Variants in PHKB observed in about 807,000 individuals in gnomAD.
PHKB encodes phosphorylase kinase regulatory subunit beta.
In PHKB, 122 loss-of-function variants were observed where a neutral mutation model predicts 152.1. That is an observed-to-expected ratio of 0.80 (90% confidence interval 0.69 to 0.93). The LOEUF is 0.93. Ranked by LOEUF, PHKB falls within the 40% of genes least tolerant of loss-of-function variation. PHKB has a pLI of 0.00. For synonymous variants in PHKB, 436 were observed against 464.9 expected, an observed-to-expected ratio of 0.94 and a Z score of 0.80; for missense variants, 1,304 against 1,328.4, an observed-to-expected ratio of 0.98 and a Z score of 0.29.
chr16:47,565,114 T>C (rs1244368749), intron 7 of PHKB: 4 of 508,448 alleles, frequency 7.9e-6, no homozygotes, highest in Non-Finnish European at 1.5e-5. Flanking sequence ...CGTTTTCATT[T>C]TCACCATCAA....
chr16:47,664,660 G>T, intron 24 of PHKB: 1 of 553,258 alleles, frequency 1.8e-6, no homozygotes. Context: ...AAGCCAATAA[G>T]TGATAGTTCT....
At chr16:47,594,599 G>C (rs1331825917) in intron 12 of PHKB, among the ~76,000 whole-genome samples, 1 of 152,188 alleles carries the variant, frequency 6.6e-6, no homozygotes, top group East Asian at 1.9e-4. Flanking sequence ...GAATTGCCGA[G>C]AATATTCTGG....
intron 6 of PHKB, among the ~76,000 whole-genome samples, chr16:47,524,640 G>A (rs574606903): frequency 3.5e-4 from 53 of 152,264 alleles, no homozygotes; most frequent in Non-Finnish European, 6.2e-4. Flanking sequence ...GTGGTGGTGC[G>A]TGCCTTTTTC....
intron 7 of PHKB, among the ~76,000 whole-genome samples, chr16:47,555,022 T>C (rs1057407524): frequency 2.0e-5 from 3 of 152,212 alleles, no homozygotes; most frequent in African/African-American, 7.2e-5. Context: ...TCTATTCTCT[T>C]CGCTTTTCTA....
At chr16:47,473,875 A>G (rs1012810430) in intron 1 of PHKB, among the ~76,000 whole-genome samples, 2 of 152,214 alleles carry the variant, frequency 1.3e-5, no homozygotes, top group Non-Finnish European at 2.9e-5. Flanking sequence ...TTCGTAATGA[A>G]AACATTTAAA....
intron 26 of PHKB, among the ~76,000 whole-genome samples, chr16:47,680,210 G>A (rs1973822481): frequency 6.6e-6 from 1 of 152,138 alleles, no homozygotes; most frequent in African/African-American, 2.4e-5. Flanking sequence ...TGTTCATCAA[G>A]GATATTGGTC....
intron 1 of PHKB, among the ~76,000 whole-genome samples, chr16:47,473,042 GTT>G (rs970277549): frequency 6.9e-6 from 1 of 145,224 alleles, no homozygotes. Flanking sequence ...TAGGATCTGT[GTT>G]TTTTTTTTTG....
Position 47,588,126 on chromosome 16 carries a change from C to G in PHKB, c.870+363C>G, listed in dbSNP as rs543369619. ...TAAAATAACCTTCCATTCCTTATTT[C>G]TGTTCTCTCATTCAATTCACTTTTT... On this transcript the variant is annotated intron_variant, in intron 9 of 30. Transcript: ENST00000323584. Among the ~76,000 whole-genome samples, 6 of 152,054 alleles carry G rather than the reference C, an allele frequency of 3.9e-5. No homozygotes were observed. The East Asian group carries it at 9.7e-4, about 24-fold the overall frequency.
intron 16 of PHKB, among the ~76,000 whole-genome samples, chr16:47,644,568 A>G (rs1009050006): frequency 6.6e-6 from 1 of 152,250 alleles, no homozygotes; most frequent in African/African-American, 2.4e-5. Context: ...GGTCCAAATC[A>G]CAATCAGTAG....
At chr16:47,698,731 C>A in intron 30 of PHKB, 143 bp downstream of exon 30, 1 of 701,082 alleles carries the variant, frequency 1.4e-6, no homozygotes. Context: ...GGCAGTCTGC[C>A]TTTTTCGAGG....
In PHKB at chr16:47,689,194, T is replaced by C; in HGVS notation, c.2765+19T>C. 2 of 1,611,434 alleles carry C rather than the reference T, an allele frequency of 1.2e-6. No individual in the cohort carries two copies. The highest frequency in any genetic ancestry group is 1.7e-4 in the Middle Eastern group (1 of 6,042). On this transcript the variant is annotated intron_variant, in intron 27 of 30. Transcript: ENST00000323584. ...ATGGAAGGTAATAAGGGCCCCTTGTTACCTACATGATACTCTGGATTTACA... is the reference window on the plus strand; with the variant it reads ...ATGGAAGGTAATAAGGGCCCCTTGTCACCTACATGATACTCTGGATTTACA...
At chr16:47,592,418 C>A (rs1256134983) in intron 10 of PHKB, among the ~76,000 whole-genome samples, 1 of 152,232 alleles carries the variant, frequency 6.6e-6, no homozygotes, top group Non-Finnish European at 1.5e-5. Context: ...TTGCTTATTG[C>A]AGAAATACTG....
At chr16:47,698,638 G>A (rs895039804) in intron 30 of PHKB, 50 bp downstream of exon 30, 3 of 1,108,142 alleles carry the variant, frequency 2.7e-6, no homozygotes, top group Non-Finnish European at 3.5e-6. Flanking sequence ...TTTTTTCATT[G>A]TCTCAATTCT....
intron 14 of PHKB, among the ~76,000 whole-genome samples, chr16:47,630,575 G>A (rs1411628951): frequency 1.3e-5 from 2 of 152,176 alleles, no homozygotes; most frequent in East Asian, 3.9e-4. Flanking sequence ...GTCTGAAGAA[G>A]AGACTGTTGG....
intron 28 of PHKB, among the ~76,000 whole-genome samples, chr16:47,693,821 G>T (rs146606026): frequency 0.01 from 1,560 of 152,186 alleles, 10 homozygotes; most frequent in Non-Finnish European, 0.017. Flanking sequence ...ATATTTTGAG[G>T]ATATTCCCTT....
chr16:47,596,475 G>T lies in PHKB; in HGVS notation c.1307G>T (p.Arg436Leu). 6.2e-7 allele frequency: 1 copy of T among 1,613,820 alleles called. No individual in the cohort carries two copies. The highest frequency in any genetic ancestry group is 8.5e-7 in the Non-Finnish European group (1 of 1,179,758). The change falls in exon 13 of 31, where the codon CGT becomes CTT. Residue 436 changes from arginine to leucine, a missense_variant. By Grantham distance (102) the Arg-to-Leu change is moderately radical. Coordinates refer to ENST00000323584, the MANE Select transcript of PHKB (RefSeq NM_000293.3). ...SQKRFPSNCGRDGKLFLWGQA... is the reference protein window; with the variant it reads ...SQKRFPSNCGLDGKLFLWGQA... Reference sequence around the variant, plus strand: ...AAACGATTTCCTAGCAACTGTGGCCGTGATGGAAAACTGTTTCTTTGGGGA... The same window carrying T: ...AAACGATTTCCTAGCAACTGTGGCCTTGATGGAAAACTGTTTCTTTGGGGA...
rs1283079643 is a variant in PHKB at position 47,520,523 on chromosome 16, A to G, written c.594+4922A>G. Reference sequence around the variant, plus strand: ...GAGTTCATTTTCTATGCTGACAGTGAGTGTTAGATCTCTGTTTAACCTGTA... The same window carrying G: ...GAGTTCATTTTCTATGCTGACAGTGGGTGTTAGATCTCTGTTTAACCTGTA... On this transcript the variant is annotated intron_variant, in intron 6 of 30. Coordinates refer to ENST00000323584, the MANE Select transcript of PHKB (RefSeq NM_000293.3). Among the ~76,000 whole-genome samples the G allele has an allele frequency of 2.0e-5, 3 of 152,184 alleles. No individual in the cohort carries two copies. In the East Asian group the frequency reaches 5.8e-4, roughly 29 times the overall value.
chr16:47,699,515 G>T lies in PHKB; in HGVS notation c.*149G>T, dbSNP rs1037428720. The T allele has an allele frequency of 7.1e-6, 6 of 839,840 alleles. No individual in the cohort carries two copies. Among genetic ancestry groups the T allele is most frequent in the Admixed American group, 1.8e-5 (1 of 56,830 alleles). 52.0% of individuals were successfully genotyped at this position (839,840 alleles called of 1,614,324 possible). A position where few individuals can be genotyped will look rare whatever the true frequency, so the allele number is the denominator to read the frequency against. ...TCCTTGGCGGGGTTATGGACCTCTT[G>T]CATGTCATAGCCAATCTAACGGTAA... On this transcript the variant is annotated 3_prime_UTR_variant, in exon 31 of 31. Transcript: ENST00000323584.
chr16:47,623,529 TAA>T (rs1972654394), intron 14 of PHKB, among the ~76,000 whole-genome samples: 1 of 151,306 alleles, frequency 6.6e-6, no homozygotes, highest in African/African-American at 2.4e-5. Context: ...GCTAATTTTT[TAA>T]TTAGCTCCAT....
Sources: gnomAD v4.1 joint callset for allele counts (sites outside exome capture counted in the v4.1 genomes callset) on GRCh38, gnomAD v4.1.1 for gene constraint, MANE v1.5 for transcripts, NCBI Gene and HGNC (gene_info 2026-07-23, HGNC 2026-07-21) for gene names.